MPDZ: variants seen among roughly 807,000 people sequenced by gnomAD.
MPDZ encodes multiple PDZ domain crumbs cell polarity complex component, also known as multiple PDZ domain protein.
A neutral mutation model predicts 239.1 loss-of-function variants in MPDZ; 234 were observed. That is an observed-to-expected ratio of 0.98 (90% CI 0.88 to 1.09). The LOEUF is 1.09. MPDZ is among the 50% of genes least tolerant of loss of function. The pLI, the probability that MPDZ is intolerant of heterozygous loss-of-function variation, is 0.00. For synonymous variants in MPDZ, 1,048 were observed against 881.3 expected (o/e 1.19, Z -3.35); for missense variants, 3,175 against 2,510.0 (o/e 1.26, Z -5.66).
At chr9:13,214,590 A>G (rs1013609016) in intron 10 of MPDZ, among the ~76,000 whole-genome samples, 2 of 152,054 alleles carry the variant, frequency 1.3e-5, no homozygotes, top group African/African-American at 2.4e-5. Context: ...CATTTCAATC[A>G]AGCTTATTTT....
chr9:13,205,816 T>A (rs1956921261), intron 11 of MPDZ, 100 bp downstream of exon 11: 3 of 1,107,668 alleles, frequency 2.7e-6, no homozygotes, highest in Non-Finnish European at 3.7e-6. Flanking sequence ...GCATTCTGAA[T>A]AATTAAGAAC....
chr9:13,278,398 G>A (rs1034245849), intron 1 of MPDZ, among the ~76,000 whole-genome samples: 3 of 152,006 alleles, frequency 2.0e-5, no homozygotes, highest in Admixed American at 6.6e-5. Context: ...CAGTGACTAC[G>A]GAGCGGCCTC....
At chr9:13,166,900 A>G (rs2133845714) in intron 22 of MPDZ, among the ~76,000 whole-genome samples, 1 of 152,266 alleles carries the variant, frequency 6.6e-6, no homozygotes, top group East Asian at 1.9e-4. Context: ...TGGTGTCACA[A>G]TGGTCTTATT....
Position 13,108,990 on chromosome 9 carries a change from T to C in MPDZ, c.6012A>G (p.Gly2004=), listed in dbSNP as rs376840314. 1.4e-5 allele frequency: 22 copies of C among 1,606,174 alleles called. No homozygotes were observed. The highest frequency in any genetic ancestry group is 1.6e-4 in the Middle Eastern group (1 of 6,064). The part of the protein sequence containing the change: ...PDGLGFSIVG[G]YGSPHGDLPI... ...GTAAGTCTCCATGAGGGCTGCCATATCCTCCAACTATACTGAAGCCTAAGC... is the reference window on the plus strand; with the variant it reads ...GTAAGTCTCCATGAGGGCTGCCATACCCTCCAACTATACTGAAGCCTAAGC... Residue 2004 remains glycine, a synonymous_variant, in exon 46 of 47, where the codon GGA becomes GGG. Transcript: ENST00000319217.
At chr9:13,187,195 G>C in intron 17 of MPDZ, among the ~76,000 whole-genome samples, 1 of 152,054 alleles carries the variant, frequency 6.6e-6, no homozygotes, top group East Asian at 1.9e-4. Context: ...TATTTATTAA[G>C]CCTCACTTTG....
In MPDZ at chr9:13,264,405, G is replaced by A. The variant is rs756118430; in HGVS notation, c.-57-14033C>T. ...ATACCCTTATTTACTGCTTACGCTC[G>A]ACTATAAAGTTAATTTTAAAGTTGA... On this transcript the variant is annotated intron_variant, in intron 1 of 46. Coordinates refer to ENST00000319217, the MANE Select transcript of MPDZ (RefSeq NM_001378778.1). Among the ~76,000 whole-genome samples, 8 of 151,850 alleles carry A rather than the reference G, an allele frequency of 5.3e-5. No homozygotes were observed. The East Asian group carries it at 7.8e-4, about 15-fold the overall frequency.
chr9:13,129,472 T>C (rs1945622838), intron 32 of MPDZ, among the ~76,000 whole-genome samples: 1 of 144,710 alleles, frequency 6.9e-6, no homozygotes, highest in African/African-American at 2.5e-5. Flanking sequence ...CAAAAATAAA[T>C]AAATAAATAA....
Position 13,147,643 on chromosome 9 carries a change from G to A in MPDZ, c.3646C>T (p.Leu1216Phe), listed in dbSNP as rs1948610752. The change falls in exon 26 of 47, where the codon CTC becomes TTC. Residue 1216 changes from leucine (L) to phenylalanine (F), a missense_variant. Coordinates refer to ENST00000319217, the MANE Select transcript of MPDZ (RefSeq NM_001378778.1). ...GCTTGTTCATGGCTTGCATCTCTGA[G>A]GTCCATTCCATCCACCTGCAATGGA... is the stretch of plus-strand genomic sequence containing the variant. ...DRIVEVDGMD[L>F]RDASHEQAVE... The A allele has an allele frequency of 4.3e-6, 7 of 1,611,702 alleles. No individual in the cohort carries two copies. Among genetic ancestry groups the A allele is most frequent in the African/African-American group, 2.7e-5 (2 of 74,750 alleles).
rs140522553 is a variant in MPDZ, at chr9:13,277,319, A to G, written c.-58+2081T>C. 5.6e-3 allele frequency among the ~76,000 whole-genome samples: 849 copies of G among 152,328 alleles called. 4 individuals are homozygous for G. The highest frequency in any genetic ancestry group is 0.019 in the African/African-American group (794 of 41,566). ...TAAACACAGAAAGGATCAAAGGAAA[A>G]AAAAAGGAACATATGTAAGAAATAA... On this transcript the variant is annotated intron_variant, in intron 1 of 46. Coordinates refer to ENST00000319217, the MANE Select transcript of MPDZ (RefSeq NM_001378778.1).
At chr9:13,123,383 G>C (rs984424999) in intron 35 of MPDZ, 85 bp from the exon 36 acceptor site, 4 of 1,210,196 alleles carry the variant, frequency 3.3e-6, no homozygotes, top group Middle Eastern at 5.3e-4. Flanking sequence ...TTGACTCTGA[G>C]GGATGGGGCA....
At chr9:13,195,679 T>A (rs919990174) in intron 13 of MPDZ, among the ~76,000 whole-genome samples, 2 of 152,136 alleles carry the variant, frequency 1.3e-5, no homozygotes, top group African/African-American at 4.8e-5. Flanking sequence ...AGAATTAACC[T>A]CTTCAGGAAG....
At chr9:13,131,940 A>C (rs1020752447) in intron 32 of MPDZ, among the ~76,000 whole-genome samples, 5 of 152,186 alleles carry the variant, frequency 3.3e-5, no homozygotes, top group South Asian at 2.1e-4. Flanking sequence ...AAATCATTAA[A>C]ATCATGGTTA....
chr9:13,182,727 T>C (rs2134472921), intron 19 of MPDZ, among the ~76,000 whole-genome samples: 1 of 152,196 alleles, frequency 6.6e-6, no homozygotes, highest in South Asian at 2.1e-4. Context: ...AAGATACCAT[T>C]TCACACCCAA....
chr9:13,231,433 T>C lies in MPDZ; in HGVS notation c.184-6850A>G, dbSNP rs982180548. On this transcript the variant is annotated intron_variant, in intron 3 of 46. Transcript: ENST00000319217. ...ATACAAAAAATTAGCTGAGCATGGTTGTACGCACCCATAATCTCAGCTACT... is the reference window on the plus strand; with the variant it reads ...ATACAAAAAATTAGCTGAGCATGGTCGTACGCACCCATAATCTCAGCTACT... Among the ~76,000 whole-genome samples, 13 of 151,922 alleles carry C rather than the reference T, an allele frequency of 8.6e-5. No homozygotes were observed. In the East Asian group the frequency reaches 2.5e-3, roughly 29 times the overall value.
intron 10 of MPDZ, among the ~76,000 whole-genome samples, chr9:13,210,535 T>G (rs1049286174): frequency 3.3e-5 from 5 of 151,970 alleles, no homozygotes; most frequent in Admixed American, 1.3e-4. Context: ...GCAGATTGTG[T>G]CTAATGCCAT....
chr9:13,135,614 C>G (rs1178174274), intron 31 of MPDZ: 1 of 152,276 alleles, frequency 6.6e-6, no homozygotes, highest in Non-Finnish European at 1.5e-5. Context: ...TCAATGTATC[C>G]CATGATCTGA....
At chr9:13,203,773 C>CAGAG (rs1239287444) in intron 12 of MPDZ, among the ~76,000 whole-genome samples, 21 of 125,628 alleles carry the variant, frequency 1.7e-4, no homozygotes, top group African/African-American at 6.2e-4. Flanking sequence ...CACACACACA[C>CAGAG]AGAGAGAGAA....
intron 21 of MPDZ, among the ~76,000 whole-genome samples, chr9:13,169,748 C>G (rs1319378031): frequency 2.6e-5 from 4 of 152,156 alleles, no homozygotes; most frequent in Admixed American, 6.6e-5. Flanking sequence ...TTGCTCAGCA[C>G]AGTCTGTAGG....
At chr9:13,220,817 A>C (rs1395667484) in intron 7 of MPDZ, among the ~76,000 whole-genome samples, 2 of 151,968 alleles carry the variant, frequency 1.3e-5, no homozygotes, top group Admixed American at 1.3e-4. Flanking sequence ...TTAAGATATA[A>C]ATCATAACAA....
Sources: allele counts gnomAD v4.1 joint callset (sites outside exome capture counted in the v4.1 genomes callset), GRCh38; gene constraint gnomAD v4.1.1; transcripts MANE v1.5; gene names NCBI Gene and HGNC (gene_info 2026-07-23, HGNC 2026-07-21).